FBXW11: variants seen among roughly 807,000 people sequenced by gnomAD.
The protein encoded by FBXW11 is F-box/WD repeat-containing protein 11.
FBXW11 carries 19 observed loss-of-function variants against 77.6 expected under a neutral mutation model. The ratio of observed to expected loss-of-function variants is 0.24; its 90% CI spans 0.17 to 0.36. The LOEUF is 0.36. FBXW11 is among the 10% of genes least tolerant of loss of function. FBXW11 has a pLI of 1.00. For missense variants in FBXW11, 334 were observed against 704.2 expected (o/e 0.47, Z 5.95); for synonymous variants, 235 against 249.4 (o/e 0.94, Z 0.54).
In FBXW11 at chr5:171,862,079, A is replaced by G. The variant is rs1757123589; in HGVS notation, c.*2048T>C. ...GGGAACTTCTATATTAAACATGCAA[A>G]AACAACAAAAAATCCATTCATTCAT... is the stretch of plus-strand genomic sequence containing the variant. On this transcript the variant is annotated 3_prime_UTR_variant, in exon 14 of 14. Coordinates refer to ENST00000517395, the MANE Select transcript of FBXW11 (RefSeq NM_001378974.1). The G allele has an allele frequency of 1.3e-5, 2 of 152,586 alleles. No homozygotes were observed. Among genetic ancestry groups the G allele is most frequent in the African/African-American group, 4.8e-5 (2 of 41,408 alleles). The allele number at this position is 152,586 out of a possible 1,614,324, so 9.5% of individuals were successfully genotyped here.
At chr5:171,995,861 A>G (rs1393766823) in intron 1 of FBXW11, among the ~76,000 whole-genome samples, 1 of 152,210 alleles carries the variant, frequency 6.6e-6, no homozygotes, top group Non-Finnish European at 1.5e-5. Flanking sequence ...GCTCTTGCAG[A>G]CAGGCAATTT....
chr5:171,980,892 AG>A (rs1312784738), intron 1 of FBXW11, among the ~76,000 whole-genome samples: 4 of 152,148 alleles, frequency 2.6e-5, no homozygotes, highest in African/African-American at 9.7e-5. Flanking sequence ...GATAGTATTG[AG>A]AGGAGCATCT....
At chr5:171,971,431 G>A (rs1195041809) in intron 1 of FBXW11, among the ~76,000 whole-genome samples, 1 of 151,982 alleles carries the variant, frequency 6.6e-6, no homozygotes, top group African/African-American at 2.4e-5. Context: ...TTTTCCATGC[G>A]TTGTATGTAA....
At chr5:171,877,549 G>A (rs930191124) in intron 8 of FBXW11, among the ~76,000 whole-genome samples, 5 of 152,132 alleles carry the variant, frequency 3.3e-5, no homozygotes, top group Non-Finnish European at 7.4e-5. Context: ...ATAGGGCAGA[G>A]GGGGAAAGAC....
Position 171,879,848 on chromosome 5 carries a change from T to C in FBXW11, c.853-1719A>G, listed in dbSNP as rs559050692. Among the ~76,000 whole-genome samples, 129 of 152,370 alleles carry C rather than the reference T, an allele frequency of 8.5e-4. 1 individual carries two copies. The highest frequency in any genetic ancestry group is 3.0e-3 in the African/African-American group (123 of 41,586). On this transcript the variant is annotated intron_variant, in intron 7 of 13. Transcript: ENST00000517395. Reference sequence around the variant, plus strand: ...TGTTGAGATTCAAGAGTTCTTTGTATGTCTTTTGCATACATTTTCTCTAGT... The same window carrying C: ...TGTTGAGATTCAAGAGTTCTTTGTACGTCTTTTGCATACATTTTCTCTAGT...
In FBXW11 at chr5:171,876,571, G is replaced by C; in HGVS notation, c.972-37C>G. 6.2e-7 allele frequency: 1 copy of C among 1,602,274 alleles called. No homozygotes were observed. The highest frequency in any genetic ancestry group is 8.5e-7 in the Non-Finnish European group (1 of 1,170,998). ...GAGAAAAGCATGATGCTTAATTATG[G>C]AGACAGCCAGGAAATGATTCTGGTA... On this transcript the variant is annotated intron_variant, in intron 8 of 13. Coordinates refer to ENST00000517395, the MANE Select transcript of FBXW11 (RefSeq NM_001378974.1). This position sits in a 1 kb window ranked among gnomAD's most constrained non-coding sequence, Gnocchi z 4.2.
intron 2 of FBXW11, among the ~76,000 whole-genome samples, chr5:171,919,260 G>C (rs1386238737): frequency 1.3e-5 from 2 of 152,102 alleles, no homozygotes; most frequent in African/African-American, 4.8e-5. Flanking sequence ...ATGGAGCCTA[G>C]GCATACGTTT....
intron 2 of FBXW11, among the ~76,000 whole-genome samples, chr5:171,930,720 T>TA (rs1289423691): frequency 8.7e-5 from 4 of 46,030 alleles, no homozygotes; most frequent in South Asian, 9.8e-4. Flanking sequence ...GAATGATCAA[T>TA]AAAAAAAATA....
At chr5:171,967,848 A>AT (rs2113392565) in intron 1 of FBXW11, among the ~76,000 whole-genome samples, 1 of 96,400 alleles carries the variant, frequency 1.0e-5, no homozygotes, top group East Asian at 3.4e-4. Context: ...TCAAAAAAAA[A>AT]AAAATGCATA....
At chr5:171,924,737 G>A (rs1432221107) in intron 2 of FBXW11, among the ~76,000 whole-genome samples, 1 of 152,086 alleles carries the variant, frequency 6.6e-6, no homozygotes, top group Admixed American at 6.5e-5. Flanking sequence ...TAAATGAGCT[G>A]TAACATAAGT....
intron 2 of FBXW11, among the ~76,000 whole-genome samples, chr5:171,926,770 C>G (rs1761912992): frequency 6.6e-6 from 1 of 152,080 alleles, no homozygotes; most frequent in African/African-American, 2.4e-5. Flanking sequence ...AATAGAGGCT[C>G]CTTTAGTCAA....
chr5:171,938,538 G>C (rs1403565319), intron 2 of FBXW11, among the ~76,000 whole-genome samples: 2 of 152,214 alleles, frequency 1.3e-5, no homozygotes, highest in African/African-American at 4.8e-5. Flanking sequence ...AGGTGCTCTT[G>C]TGTATTTCTG....
intron 2 of FBXW11, among the ~76,000 whole-genome samples, chr5:171,940,874 A>C (rs1762714845): frequency 9.5e-6 from 1 of 105,270 alleles, no homozygotes. Flanking sequence ...CGACAGAGCA[A>C]GACTCCGTCT....
At chr5:171,929,776 C>T (rs1010980178) in intron 2 of FBXW11, among the ~76,000 whole-genome samples, 5 of 152,084 alleles carry the variant, frequency 3.3e-5, no homozygotes, top group Admixed American at 2.0e-4. Flanking sequence ...GGCATGAACC[C>T]GGGAGGCGGA....
At chr5:171,954,442 C>A (rs938141050) in intron 2 of FBXW11, among the ~76,000 whole-genome samples, 9 of 152,094 alleles carry the variant, frequency 5.9e-5, no homozygotes, top group African/African-American at 2.2e-4. Flanking sequence ...ATAGAAAGAA[C>A]GTGGAAAATA....
intron 1 of FBXW11, among the ~76,000 whole-genome samples, chr5:171,962,066 G>T (rs1418431477): frequency 2.6e-5 from 4 of 152,148 alleles, no homozygotes; most frequent in South Asian, 2.1e-4. Context: ...ATAATGAAAA[G>T]ATTTCTTCAT....
intron 6 of FBXW11, 47 bp from the exon 7 acceptor site, chr5:171,891,651 C>T (rs1759355054): frequency 1.3e-6 from 2 of 1,588,154 alleles, no homozygotes; most frequent in Non-Finnish European, 8.6e-7. Flanking sequence ...AATCAACTTA[C>T]TCTATTAGGT....
At chr5:171,943,904 G>A (rs924367065) in intron 2 of FBXW11, among the ~76,000 whole-genome samples, 1 of 152,162 alleles carries the variant, frequency 6.6e-6, no homozygotes, top group Non-Finnish European at 1.5e-5. Flanking sequence ...AAATAAAAAT[G>A]TTCAATCCTA....
At chr5:171,899,888 A>G (rs1443903475) in intron 5 of FBXW11, 26 bp downstream of exon 5, 1 of 1,540,434 alleles carries the variant, frequency 6.5e-7, no homozygotes, top group Non-Finnish European at 8.8e-7. Flanking sequence ...AATTTTTTCA[A>G]GGGAACAAGC....
Sources: allele counts gnomAD v4.1 joint callset (sites outside exome capture counted in the v4.1 genomes callset), GRCh38; gene constraint gnomAD v4.1.1; non-coding constraint Gnocchi (gnomAD v3.1); transcripts MANE v1.5; gene names NCBI Gene and HGNC (gene_info 2026-07-23, HGNC 2026-07-21).